The following ARHGEF7 variants were observed in gnomAD, a reference collection of about 807,000 sequenced individuals.
ARHGEF7 encodes Rho guanine nucleotide exchange factor 7.
ARHGEF7 carries 33 observed loss-of-function variants against 109.8 expected under a neutral mutation model. The ratio of observed to expected loss-of-function variants is 0.30; its 90% CI spans 0.23 to 0.40. The LOEUF is 0.40. ARHGEF7 is among the 10% of genes least tolerant of loss of function. The pLI is 1.00. For synonymous variants in ARHGEF7, 458 were observed against 424.6 expected (o/e 1.08, Z -0.97); for missense variants, 938 against 1,098.5 (o/e 0.85, Z 2.07).
At position 111,274,804 on chromosome 13, in the gene ARHGEF7, C is replaced by G; in HGVS notation, c.1272+14C>G. On this transcript the variant is annotated intron_variant, in intron 11 of 21. Coordinates refer to ENST00000646102, the MANE Select transcript of ARHGEF7 (RefSeq NM_001354046.2). ...AAAAACCTTTCAGTAAGTGATTAAG[C>G]ATATTGTTTTCCCCCCCAGACATTA... The G allele has an allele frequency of 7.1e-7, 1 of 1,417,252 alleles. No homozygotes were observed. Among genetic ancestry groups the G allele is most frequent in the Non-Finnish European group, 9.4e-7 (1 of 1,068,986 alleles). The allele number at this position is 1,417,252 out of a possible 1,614,324, so 87.8% of individuals were successfully genotyped here.
chr13:111,118,359 G>A (rs193185609), intron 1 of ARHGEF7, among the ~76,000 whole-genome samples: 172 of 152,358 alleles, frequency 1.1e-3, no homozygotes, highest in African/African-American at 3.8e-3. Context: ...TGCTTTTAAG[G>A]TGGAAGGTTA....
intron 8 of ARHGEF7, among the ~76,000 whole-genome samples, chr13:111,253,602 G>A (rs2090054601): frequency 6.6e-6 from 1 of 152,190 alleles, no homozygotes; most frequent in African/African-American, 2.4e-5. Context: ...GATTTGCCCT[G>A]TTCCCGTCTC....
intron 2 of ARHGEF7, among the ~76,000 whole-genome samples, chr13:111,205,060 G>T (rs2081639920): frequency 6.6e-6 from 1 of 152,246 alleles, no homozygotes; most frequent in Non-Finnish European, 1.5e-5. Flanking sequence ...CGGGTGTTGG[G>T]TAGGGAATTG....
intron 1 of ARHGEF7, chr13:111,153,513 CGAGGCCCAGCACTGGGCCA>C: frequency 1.7e-6 from 1 of 578,780 alleles, no homozygotes; most frequent in Non-Finnish European, 2.2e-6. Flanking sequence ...TCTACCGGAC[CGAGGCCCAGCACTGGGCCA>C]GAGGAGGTGG....
chr13:111,162,008 C>T (rs1010664835), intron 2 of ARHGEF7, among the ~76,000 whole-genome samples: 2 of 152,182 alleles, frequency 1.3e-5, no homozygotes, highest in African/African-American at 4.8e-5. Flanking sequence ...CACCCTTAAT[C>T]CTTGATTTTC....
At chr13:111,114,885 A>C (rs2066640509), upstream of ARHGEF7, 1 of 152,296 alleles carries the variant, frequency 6.6e-6, no homozygotes, top group Non-Finnish European at 1.5e-5. Context: ...AGCAAAGCGA[A>C]ACAAACGTCT....
chr13:111,221,628 A>G (rs4773335), intron 5 of ARHGEF7, among the ~76,000 whole-genome samples: 26,865 of 101,884 alleles, frequency 0.26, 4,274 homozygotes, highest in East Asian at 0.81. Context: ...ATGTATATAT[A>G]TATGTATCTC....
intron 2 of ARHGEF7, among the ~76,000 whole-genome samples, chr13:111,163,370 T>C (rs1013895294): frequency 6.6e-6 from 1 of 152,156 alleles, no homozygotes; most frequent in African/African-American, 2.4e-5. Flanking sequence ...GTTCTGGTTA[T>C]CCAGGCTGCT....
chr13:111,289,955 A>C (rs989842270), intron 18 of ARHGEF7, among the ~76,000 whole-genome samples: 1 of 152,224 alleles, frequency 6.6e-6, no homozygotes, highest in African/African-American at 2.4e-5. Flanking sequence ...GGAGAGAAAT[A>C]GAGAAACGGA....
chr13:111,225,817 T>G (rs2085135757), intron 5 of ARHGEF7, among the ~76,000 whole-genome samples: 1 of 152,128 alleles, frequency 6.6e-6, no homozygotes, highest in Admixed American at 6.5e-5. Context: ...AGGCCACTCA[T>G]TCCCTGAGAC....
At chr13:111,183,498 T>G (rs974110669) in intron 2 of ARHGEF7, among the ~76,000 whole-genome samples, 1 of 152,216 alleles carries the variant, frequency 6.6e-6, no homozygotes, top group Non-Finnish European at 1.5e-5. Context: ...GCATCATCTG[T>G]GGCTTCGTCT....
At chr13:111,226,738 G>T (rs1034664707) in intron 5 of ARHGEF7, among the ~76,000 whole-genome samples, 3 of 152,158 alleles carry the variant, frequency 2.0e-5, no homozygotes, top group Admixed American at 6.5e-5. Context: ...CATGGGTCAA[G>T]GATTAATTTA....
intron 8 of ARHGEF7, 93 bp from the exon 9 acceptor site, chr13:111,267,454 GT>G: frequency 2.0e-6 from 3 of 1,527,854 alleles, no homozygotes; most frequent in Non-Finnish European, 1.8e-6. Flanking sequence ...GCAGAGGGAG[GT>G]TTTCCTTACT....
intron 19 of ARHGEF7, among the ~76,000 whole-genome samples, chr13:111,295,445 C>T (rs993156763): frequency 1.1e-4 from 17 of 152,258 alleles, no homozygotes; most frequent in African/African-American, 3.9e-4. Flanking sequence ...CAGTCACTGG[C>T]GGGTTTGTCT....
At chr13:111,134,385 T>C (rs1384520438) in intron 1 of ARHGEF7, among the ~76,000 whole-genome samples, 1 of 152,246 alleles carries the variant, frequency 6.6e-6, no homozygotes, top group Non-Finnish European at 1.5e-5. Context: ...TCCACACTGG[T>C]TGAACTGGTT....
At chr13:111,115,170 A>G (rs988756820), upstream of ARHGEF7, 2 of 141,156 alleles carry the variant, frequency 1.4e-5, no homozygotes, top group African/African-American at 5.1e-5. Flanking sequence ...CGCCCCGCGC[A>G]CGGCCTGGAG....
chr13:111,257,465 G>T (rs888083925), intron 8 of ARHGEF7, among the ~76,000 whole-genome samples: 1 of 152,236 alleles, frequency 6.6e-6, no homozygotes. Flanking sequence ...TAAATATCAT[G>T]TAATGATTTT....
At chr13:111,174,064 A>G (rs2077864846) in intron 2 of ARHGEF7, among the ~76,000 whole-genome samples, 1 of 152,206 alleles carries the variant, frequency 6.6e-6, no homozygotes. Context: ...TACTATTCGG[A>G]TAAGATTAAT....
At chr13:111,223,810 T>C (rs77912751) in intron 5 of ARHGEF7, among the ~76,000 whole-genome samples, 1,685 of 152,290 alleles carry the variant, frequency 0.011, 28 homozygotes, top group African/African-American at 0.038. Flanking sequence ...TAGCATTTAT[T>C]TTCTGTGCAC....
Sources: gnomAD v4.1 joint callset for allele counts (sites outside exome capture counted in the v4.1 genomes callset) on GRCh38, gnomAD v4.1.1 for gene constraint, MANE v1.5 for transcripts, NCBI Gene and HGNC (gene_info 2026-07-23, HGNC 2026-07-21) for gene names.